The following LNX2 variants were observed in gnomAD, a reference collection of about 807,000 sequenced individuals.
LNX2 encodes the protein ligand of Numb protein X 2.
In LNX2, 35 loss-of-function variants were observed where a neutral mutation model predicts 66.2. The observed-to-expected ratio is 0.53, with a 90% CI of 0.40 to 0.70. LNX2 has a LOEUF of 0.70. Ranked by LOEUF, LNX2 falls within the 30% of genes least tolerant of loss-of-function variation. LNX2 has a pLI of 0.00. For missense variants in LNX2, 791 were observed against 850.8 expected, an observed-to-expected ratio of 0.93 and a Z score of 0.87; for synonymous variants, 337 against 315.6, an observed-to-expected ratio of 1.07 and a Z score of -0.72.
At position 27,556,781 on chromosome 13, in the gene LNX2, C is replaced by T. The variant is rs1955066240; in HGVS notation, c.1369-368G>A. ...TCTGAAGACAAATCAATTAATTTTA[C>T]TTCCATCTTTCCCCCATTTCTTTGA... On this transcript the variant is annotated intron_variant, in intron 6 of 9. Transcript: ENST00000316334. Among the ~76,000 whole-genome samples, 3 of 152,288 alleles carry T rather than the reference C, an allele frequency of 2.0e-5. No homozygotes were observed. In the South Asian group the frequency reaches 6.2e-4, roughly 32 times the overall value.
At chr13:27,616,581 T>C (rs1955829467) in intron 1 of LNX2, among the ~76,000 whole-genome samples, 1 of 152,190 alleles carries the variant, frequency 6.6e-6, no homozygotes, top group South Asian at 2.1e-4. Flanking sequence ...TGGTTTACAA[T>C]ACATTAATAT....
At chr13:27,588,021 C>CCAAAAAAAAAAAAAAAA (rs1955509486) in intron 1 of LNX2, among the ~76,000 whole-genome samples, 1 of 93,532 alleles carries the variant, frequency 1.1e-5, no homozygotes, top group African/African-American at 3.8e-5. Flanking sequence ...ACTCTTGTCA[C>CCAAAAAAAAAAAAAAAA]AAAAAAAAAA....
intron 1 of LNX2, among the ~76,000 whole-genome samples, chr13:27,619,681 A>G (rs540803766): frequency 6.6e-6 from 1 of 152,352 alleles, no homozygotes; most frequent in Non-Finnish European, 1.5e-5. Flanking sequence ...CTTAACGTAA[A>G]CTGAAATACT....
At chr13:27,583,254 GT>G (rs1473260514) in intron 1 of LNX2, among the ~76,000 whole-genome samples, 1 of 64,740 alleles carries the variant, frequency 1.5e-5, no homozygotes, top group African/African-American at 8.7e-5. Context: ...GTGTGTGTGT[GT>G]GCGCGCGTCC....
chr13:27,550,282 A>G, intron 9 of LNX2, 51 bp downstream of exon 9: 1 of 1,536,990 alleles, frequency 6.5e-7, no homozygotes, highest in Non-Finnish European at 8.9e-7. Context: ...GGTCTAGATC[A>G]TGTCCAATGT....
intron 1 of LNX2, among the ~76,000 whole-genome samples, chr13:27,606,782 T>C (rs940438548): frequency 6.6e-6 from 1 of 152,086 alleles, no homozygotes; most frequent in African/African-American, 2.4e-5. Flanking sequence ...CTTTCATGTG[T>C]ATGGAAGTAT....
At chr13:27,608,365 C>A (rs1172107432) in intron 1 of LNX2, among the ~76,000 whole-genome samples, 1 of 152,152 alleles carries the variant, frequency 6.6e-6, no homozygotes, top group Non-Finnish European at 1.5e-5. Context: ...ATTCACTTTT[C>A]TATCCCAAAT....
At position 27,567,698 on chromosome 13, in the gene LNX2, T is replaced by C. The variant is rs375824967; in HGVS notation, c.797A>G (p.Tyr266Cys). Residue 266 changes from tyrosine (Y) to cysteine (C), a missense_variant, in exon 4 of 10, where the codon TAT (tyrosine) becomes TGT (cysteine). By Grantham distance (194) the Tyr-to-Cys change is radical. Coordinates refer to ENST00000316334, the MANE Select transcript of LNX2 (RefSeq NM_153371.4). ...GTCTCTGGCAATGACCCCATCCCGA[T>C]AGACCTCCTGGATGACAATGTTAAT... ...PLINIVIQEV[Y>C]RDGVIARDGR... is the part of the protein sequence containing the mutation. 7.2e-5 allele frequency: 116 copies of C among 1,613,836 alleles called. No individual in the cohort carries two copies. Among genetic ancestry groups the C allele is most frequent in the Middle Eastern group, 1.6e-4 (1 of 6,078 alleles).
chr13:27,550,939 G>A (rs1038966446), intron 8 of LNX2, among the ~76,000 whole-genome samples: 1 of 152,132 alleles, frequency 6.6e-6, no homozygotes, highest in Non-Finnish European at 1.5e-5. Flanking sequence ...GATTAGGAAC[G>A]CAGCTTCCGA....
intron 1 of LNX2, among the ~76,000 whole-genome samples, chr13:27,603,309 T>A (rs1412568835): frequency 6.6e-6 from 1 of 152,206 alleles, no homozygotes; most frequent in African/African-American, 2.4e-5. Flanking sequence ...TTTTCTAACA[T>A]AACTCCATCT....
rs573415358 is a variant in LNX2, at chr13:27,569,236, T to G, written c.448A>C (p.Arg150=). 1.2e-6 allele frequency: 2 copies of G among 1,613,498 alleles called. No individual in the cohort carries two copies. Among genetic ancestry groups the G allele is most frequent in the Non-Finnish European group, 1.7e-6 (2 of 1,179,700 alleles). Residue 150 remains arginine (R), a synonymous_variant, in exon 3 of 10, where the codon AGG becomes CGG. Transcript: ENST00000316334. ...ASHRRVALER[R]KTSRTQAEIE... is the part of the protein sequence containing the mutation. ...TCTGCTTGAGTTCTACTAGTTTTCC[T>G]TCTCTCCAGGGCAACTCTCCGATGA... is the stretch of plus-strand genomic sequence containing the variant.
At position 27,584,692 on chromosome 13, in the gene LNX2, A is replaced by C. The variant is rs912922229; in HGVS notation, c.-100-2889T>G. ...CAAAGCGAGACCCTGTCTCTAAATA[A>C]ATAAAAATTTTAAAAGAAAAACATT... On this transcript the variant is annotated intron_variant, in intron 1 of 9. Transcript: ENST00000316334. Among the ~76,000 whole-genome samples, 3 of 151,988 alleles carry C rather than the reference A, an allele frequency of 2.0e-5. No homozygotes were observed. In the South Asian group the frequency reaches 6.2e-4, roughly 31 times the overall value.
chr13:27,616,642 G>C (rs1317304198), intron 1 of LNX2, among the ~76,000 whole-genome samples: 1 of 152,236 alleles, frequency 6.6e-6, no homozygotes, highest in Non-Finnish European at 1.5e-5. Context: ...TAGGATCCCA[G>C]CTCTAGGAAG....
chr13:27,614,508 C>G (rs1170566346), intron 1 of LNX2, among the ~76,000 whole-genome samples: 1 of 151,872 alleles, frequency 6.6e-6, no homozygotes, highest in East Asian at 1.9e-4. Context: ...CCCAGACTAC[C>G]TTTGAAAATA....
At chr13:27,560,026 T>G (rs377765235) in intron 5 of LNX2, 41 bp from the exon 6 acceptor site, 1 of 1,492,258 alleles carries the variant, frequency 6.7e-7, no homozygotes, top group South Asian at 1.3e-5. Flanking sequence ...TGACTAATGA[T>G]GTTTGTCATT....
chr13:27,567,451 G>C (rs186771124), intron 4 of LNX2, among the ~76,000 whole-genome samples, 189 bp downstream of exon 4: 21 of 151,948 alleles, frequency 1.4e-4, no homozygotes, highest in Non-Finnish European at 2.4e-4. Flanking sequence ...AATTAAGATA[G>C]GAAGAAAAAA....
In LNX2 at chr13:27,619,985, CCA is replaced by C. The variant is rs113474326; in HGVS notation, c.-101+388_-101+389del. Among the ~76,000 whole-genome samples, 773 of 152,180 alleles carry C rather than the reference CCA, an allele frequency of 5.1e-3. 5 individuals carry two copies. The highest frequency in any genetic ancestry group is 0.018 in the African/African-American group (736 of 41,536). On this transcript the variant is annotated intron_variant, in intron 1 of 9. Transcript: ENST00000316334. Reference sequence around the variant, plus strand: ...GCTAGTGCCACTCTCATTGCCGACACCACACACACACAGAGGAAATTTAAACA... The same window carrying C: ...GCTAGTGCCACTCTCATTGCCGACACCACACACACAGAGGAAATTTAAACA...
chr13:27,583,049 T>C (rs1300846389), intron 1 of LNX2, among the ~76,000 whole-genome samples: 1 of 152,062 alleles, frequency 6.6e-6, no homozygotes, highest in Non-Finnish European at 1.5e-5. Flanking sequence ...AATACTATTT[T>C]ATTCCACTAA....
rs777165537 is a variant in LNX2 at position 27,567,688 on chromosome 13, C to A, written c.807G>T (p.Gly269=). 14 of 1,613,834 alleles carry A rather than the reference C, an allele frequency of 8.7e-6. No homozygotes were observed. Among genetic ancestry groups the A allele is most frequent in the African/African-American group, 1.3e-5 (1 of 74,898 alleles). ...NIVIQEVYRD[G]VIARDGRLLA... ...GAAGTCTCCCGTCTCTGGCAATGAC[C>A]CCATCCCGATAGACCTCCTGGATGA... The change falls in exon 4 of 10, where the codon GGG becomes GGT. Residue 269 remains glycine, a synonymous_variant. Transcript: ENST00000316334.
Sources: allele counts gnomAD v4.1 joint callset (sites outside exome capture counted in the v4.1 genomes callset), GRCh38; gene constraint gnomAD v4.1.1; transcripts MANE v1.5; gene names NCBI Gene and HGNC (gene_info 2026-07-23, HGNC 2026-07-21).